The following CNTN5 variants were observed in gnomAD, a reference collection of about 807,000 sequenced individuals.
The protein encoded by CNTN5 is contactin-5.
A neutral mutation model predicts 129.1 loss-of-function variants in CNTN5; 77 were observed. The ratio of observed to expected loss-of-function variants is 0.60; its 90% CI spans 0.50 to 0.72. CNTN5 has a LOEUF of 0.72. Ranked by LOEUF, CNTN5 falls within the 30% of genes least tolerant of loss-of-function variation. The pLI, the probability that CNTN5 is intolerant of heterozygous loss-of-function variation, is 0.00. For synonymous variants in CNTN5, 509 were observed against 465.6 expected, an observed-to-expected ratio of 1.09 and a Z score of -1.20; for missense variants, 1,478 against 1,328.8, an observed-to-expected ratio of 1.11 and a Z score of -1.75.
At chr11:99,118,286 G>T (rs1244357944) in intron 1 of CNTN5, among the ~76,000 whole-genome samples, 1 of 151,814 alleles carries the variant, frequency 6.6e-6, no homozygotes, top group African/African-American at 2.4e-5. Flanking sequence ...GGTGTGTATT[G>T]GTATATAATT....
At chr11:99,948,360 C>T (rs902721703) in intron 7 of CNTN5, among the ~76,000 whole-genome samples, 4 of 152,150 alleles carry the variant, frequency 2.6e-5, no homozygotes, top group Non-Finnish European at 5.9e-5. Context: ...AGGCCACATC[C>T]TTACTGTTTG....
At chr11:99,913,213 C>G (rs979415497) in intron 6 of CNTN5, among the ~76,000 whole-genome samples, 9 of 151,984 alleles carry the variant, frequency 5.9e-5, no homozygotes, top group African/African-American at 2.2e-4. Flanking sequence ...GATGAACAAA[C>G]AGTTAAATTT....
rs1452481962 is a variant in CNTN5 at position 100,224,683 on chromosome 11, C to G, written c.1885-9C>G. 1.2e-6 allele frequency: 2 copies of G among 1,608,040 alleles called. No individual in the cohort carries two copies. The highest frequency in any genetic ancestry group is 1.1e-5 in the South Asian group (1 of 90,478). On this transcript the variant is annotated splice_polypyrimidine_tract_variant and intron_variant, in intron 15 of 24. Coordinates refer to ENST00000524871, the MANE Select transcript of CNTN5 (RefSeq NM_014361.4). ...AACATTTTAAACTGGCACTTCATCC[C>G]TCTTTCAGCAAGCATCCTCTGCAGA...
chr11:99,941,571 A>ACACACACACACACAC, intron 7 of CNTN5, among the ~76,000 whole-genome samples: 1 of 148,370 alleles, frequency 6.7e-6, no homozygotes, highest in Non-Finnish European at 1.5e-5. Context: ...ACATAAGACA[A>ACACACACACACACAC]ACACACACAC....
At chr11:99,229,079 A>G (rs1231041037) in intron 1 of CNTN5, among the ~76,000 whole-genome samples, 3 of 152,026 alleles carry the variant, frequency 2.0e-5, no homozygotes, top group African/African-American at 4.8e-5. Flanking sequence ...GTATTATACT[A>G]TACATGTTAA....
At chr11:99,252,956 CTTT>C (rs10708929) in intron 1 of CNTN5, among the ~76,000 whole-genome samples, 4 of 143,754 alleles carry the variant, frequency 2.8e-5, no homozygotes, top group African/African-American at 1.0e-4. Flanking sequence ...TCTTAAATCT[CTTT>C]TTTTTTTTTG....
intron 2 of CNTN5, among the ~76,000 whole-genome samples, chr11:99,504,892 A>T (rs1946561186): frequency 6.6e-6 from 1 of 152,218 alleles, no homozygotes; most frequent in African/African-American, 2.4e-5. Context: ...ACCATAGTTT[A>T]TTGCTCTCCT....
At chr11:99,162,854 C>A (rs1860682336) in intron 1 of CNTN5, among the ~76,000 whole-genome samples, 1 of 152,162 alleles carries the variant, frequency 6.6e-6, no homozygotes, top group Non-Finnish European at 1.5e-5. Flanking sequence ...CAGGTAACTC[C>A]TTTAATCATG....
At chr11:100,259,440 G>A (rs995460044) in intron 17 of CNTN5, among the ~76,000 whole-genome samples, 2 of 152,082 alleles carry the variant, frequency 1.3e-5, no homozygotes, top group Non-Finnish European at 2.9e-5. Flanking sequence ...TCTGGACCAA[G>A]CAGACCTAAT....
At chr11:99,177,674 G>A (rs1857844803) in intron 1 of CNTN5, among the ~76,000 whole-genome samples, 1 of 152,168 alleles carries the variant, frequency 6.6e-6, no homozygotes, top group Non-Finnish European at 1.5e-5. Context: ...TACGTGTCTG[G>A]AATGTGTAGC....
chr11:99,234,966 A>G (rs188404423), intron 1 of CNTN5, among the ~76,000 whole-genome samples: 8 of 152,166 alleles, frequency 5.3e-5, no homozygotes, highest in Admixed American at 1.3e-4. Context: ...TACAAAGTCA[A>G]TTGAGAAACC....
At chr11:99,994,582 G>A (rs1939327220) in intron 8 of CNTN5, among the ~76,000 whole-genome samples, 1 of 152,060 alleles carries the variant, frequency 6.6e-6, no homozygotes, top group African/African-American at 2.4e-5. Context: ...ATGCATATAA[G>A]AGGCTTAGGT....
chr11:99,123,114 T>G (rs1391055717), intron 1 of CNTN5, among the ~76,000 whole-genome samples: 1 of 152,128 alleles, frequency 6.6e-6, no homozygotes, highest in Non-Finnish European at 1.5e-5. Flanking sequence ...CTTTGAGAAA[T>G]TGCCACACTG....
chr11:99,947,661 G>A (rs1013023893), intron 7 of CNTN5, among the ~76,000 whole-genome samples: 1 of 152,088 alleles, frequency 6.6e-6, no homozygotes, highest in Non-Finnish European at 1.5e-5. Context: ...AAGCCCAAAA[G>A]CAACTCAAGT....
At chr11:99,625,283 G>A (rs1025731951) in intron 3 of CNTN5, among the ~76,000 whole-genome samples, 2 of 152,116 alleles carry the variant, frequency 1.3e-5, no homozygotes, top group Admixed American at 6.6e-5. Context: ...GGTGCTATGA[G>A]TGAGCAAACA....
At chr11:99,819,116 C>A (rs1175002849) in intron 3 of CNTN5, among the ~76,000 whole-genome samples, 1 of 151,558 alleles carries the variant, frequency 6.6e-6, no homozygotes, top group African/African-American at 2.4e-5. Flanking sequence ...AAGAACTGAT[C>A]TATGTGAATG....
At chr11:100,001,889 C>T in intron 8 of CNTN5, 145 bp from the exon 9 acceptor site, 1 of 616,000 alleles carries the variant, frequency 1.6e-6, no homozygotes, top group Admixed American at 3.6e-5. Flanking sequence ...AAGTGTACTA[C>T]TTATTTCAAT....
rs142856996 is a variant in CNTN5 at position 99,437,150 on chromosome 11, A to G, written c.-71+111666A>G. 2.5e-3 allele frequency among the ~76,000 whole-genome samples: 374 copies of G among 152,348 alleles called. 1 individual carries two copies. Among genetic ancestry groups the G allele is most frequent in the South Asian group, 0.013 (63 of 4,830 alleles). On this transcript the variant is annotated intron_variant, in intron 2 of 24. Transcript: ENST00000524871. ...TTGAAAATGAAATTTGTAAAATGTT[A>G]TGTAGGCCCAGAGACCTAGTACTTT...
rs370418347 is a variant in CNTN5 at position 100,000,073 on chromosome 11, G to T, written c.878-1961G>T. ...CCTAATGCTAAATGATGAGTTAATG[G>T]GTGCAGCACACCAGCATGGCACATG... On this transcript the variant is annotated intron_variant, in intron 8 of 24. Coordinates refer to ENST00000524871, the MANE Select transcript of CNTN5 (RefSeq NM_014361.4). Among the ~76,000 whole-genome samples the T allele has an allele frequency of 1.8e-4, 27 of 151,262 alleles. No homozygotes were observed. The East Asian group carries it at 4.7e-3, about 26-fold the overall frequency.
Sources: allele counts gnomAD v4.1 joint callset (sites outside exome capture counted in the v4.1 genomes callset), GRCh38; gene constraint gnomAD v4.1.1; transcripts MANE v1.5; gene names NCBI Gene and HGNC (gene_info 2026-07-23, HGNC 2026-07-21).